Variants in ZDHHC21 observed in about 807,000 individuals in gnomAD.
ZDHHC21 encodes the protein palmitoyltransferase ZDHHC21.
ZDHHC21 carries 15 observed loss-of-function variants against 34.6 expected under a neutral mutation model. The observed-to-expected ratio is 0.43, with a 90% confidence interval of 0.29 to 0.67. The LOEUF (loss-of-function observed/expected upper bound fraction) is 0.67, where lower values mean the gene tolerates loss of function less well. Ranked by LOEUF, ZDHHC21 falls within the 30% of genes least tolerant of loss-of-function variation. The probability of loss-of-function intolerance (pLI) is 0.14; values close to 1 mark genes in which losing one functional copy is unlikely to be tolerated. For missense variants in ZDHHC21, 344 were observed against 327.7 expected, an observed-to-expected ratio of 1.05 and a Z score of -0.38; for synonymous variants, 142 against 101.8, an observed-to-expected ratio of 1.40 and a Z score of -2.38.
chr9:14,687,004 G>A (rs1322555459), intron 2 of ZDHHC21, among the ~76,000 whole-genome samples: 1 of 149,454 alleles, frequency 6.7e-6, no homozygotes, highest in African/African-American at 2.5e-5. Context: ...ATGTTAAAGA[G>A]CTGCTACCCC....
chr9:14,691,878 T>C (rs1272388076), intron 1 of ZDHHC21, among the ~76,000 whole-genome samples: 1 of 152,246 alleles, frequency 6.6e-6, no homozygotes, highest in African/African-American at 2.4e-5. Flanking sequence ...AAGGGTCTTA[T>C]TTAAAAACAT....
the ZDHHC21 span, among the ~76,000 whole-genome samples, chr9:14,592,957 T>C: frequency 6.6e-6 from 1 of 152,156 alleles, no homozygotes; most frequent in Admixed American, 6.5e-5. Context: ...AAGATAGTTT[T>C]AATTGAATAA....
chr9:14,647,010 T>G (rs1180804899), intron 7 of ZDHHC21, among the ~76,000 whole-genome samples: 1 of 152,094 alleles, frequency 6.6e-6, no homozygotes, highest in Admixed American at 6.6e-5. Flanking sequence ...GACAAAGAAC[T>G]GTCTCTTCCC....
chr9:14,636,085 T>C (rs1233496647), intron 8 of ZDHHC21, among the ~76,000 whole-genome samples: 1 of 152,186 alleles, frequency 6.6e-6, no homozygotes, highest in African/African-American at 2.4e-5. Context: ...TGTAAATGGA[T>C]TAAACTCTAC....
Position 14,611,801 on chromosome 9 carries a change from G to A in ZDHHC21, c.*7165C>T, listed in dbSNP as rs1421668359. 2.0e-5 allele frequency: 3 copies of A among 152,028 alleles called. No individual in the cohort carries two copies. The highest frequency in any genetic ancestry group is 4.8e-5 in the African/African-American group (2 of 41,416). 9.4% of individuals were successfully genotyped at this position (152,028 alleles called of 1,614,324 possible). ...CAAGAGCCTAGCTTTGTCCTCCCGTGTTAGACTCACAATTCACTTGTCGGA... is the reference window on the plus strand; with the variant it reads ...CAAGAGCCTAGCTTTGTCCTCCCGTATTAGACTCACAATTCACTTGTCGGA... On this transcript the variant is annotated 3_prime_UTR_variant, in exon 10 of 10. Coordinates refer to ENST00000380916, the MANE Select transcript of ZDHHC21 (RefSeq NM_178566.6).
intron 5 of ZDHHC21, among the ~76,000 whole-genome samples, chr9:14,663,508 T>TA (rs994994006): frequency 2.7e-5 from 4 of 149,486 alleles, no homozygotes; most frequent in African/African-American, 9.8e-5. Flanking sequence ...TTTTTTTTTT[T>TA]ACCAATATTG....
chr9:14,682,519 G>A (rs545564803), intron 2 of ZDHHC21, among the ~76,000 whole-genome samples: 2 of 152,264 alleles, frequency 1.3e-5, no homozygotes, highest in African/African-American at 2.4e-5. Flanking sequence ...ACCCAATACA[G>A]GAGCACCCAG....
At chr9:14,693,197 C>G in intron 1 of ZDHHC21, 32 bp downstream of exon 1, 1 of 339,030 alleles carries the variant, frequency 2.9e-6, no homozygotes, top group Non-Finnish European at 5.7e-6. Flanking sequence ...GGGGTGGGGG[C>G]GGCCGCTTCG....
chr9:14,683,384 C>A lies in ZDHHC21; in HGVS notation c.-175-3222G>T, dbSNP rs553962316. On this transcript the variant is annotated intron_variant, in intron 2 of 9. Transcript: ENST00000380916. Reference sequence around the variant, plus strand: ...AAAGAGGATATCACCACCAATCCCACAGAAATACAAACTACCATCAGAGAA... The same window carrying A: ...AAAGAGGATATCACCACCAATCCCAAAGAAATACAAACTACCATCAGAGAA... Among the ~76,000 whole-genome samples the A allele has an allele frequency of 7.2e-5, 11 of 152,250 alleles. No individual in the cohort carries two copies. In the East Asian group the frequency reaches 2.1e-3, roughly 29 times the overall value.
intron 8 of ZDHHC21, among the ~76,000 whole-genome samples, chr9:14,631,419 T>C (rs10810192): frequency 0.38 from 58,389 of 152,076 alleles, 11,592 homozygotes; most frequent in Non-Finnish European, 0.44. Flanking sequence ...GTGGCTTGTG[T>C]GATCTTCTAT....
chr9:14,593,936 C>G, the ZDHHC21 span: 1 of 152,424 alleles, frequency 6.6e-6, no homozygotes, highest in African/African-American at 2.4e-5. Context: ...AGGGGATGTA[C>G]CCTGTTCCTG....
In ZDHHC21 at chr9:14,658,399, T is replaced by G. The variant is rs147515539; in HGVS notation, c.504+350A>C. Among the ~76,000 whole-genome samples the G allele has an allele frequency of 1.2e-4, 18 of 149,118 alleles. No individual in the cohort carries two copies. In the East Asian group the frequency reaches 3.3e-3, roughly 27 times the overall value. ...TGTTTTGTTTCCAATCTTTTGTACT[T>G]AAAGGAACCACATGTTAATAATTGT... On this transcript the variant is annotated intron_variant, in intron 7 of 9. Transcript: ENST00000380916.
chr9:14,629,822 G>C (rs112586378), intron 8 of ZDHHC21, among the ~76,000 whole-genome samples: 2,655 of 152,144 alleles, frequency 0.017, 81 homozygotes, highest in African/African-American at 0.059. Flanking sequence ...GCCGAGGCAG[G>C]TGGATATTGA....
At chr9:14,670,757 T>G (rs1471828460) in intron 5 of ZDHHC21, among the ~76,000 whole-genome samples, 1 of 152,098 alleles carries the variant, frequency 6.6e-6, no homozygotes, top group Non-Finnish European at 1.5e-5. Context: ...CACATACATA[T>G]CTATATGTTT....
intron 7 of ZDHHC21, among the ~76,000 whole-genome samples, chr9:14,651,114 G>A (rs1462253814): frequency 6.6e-6 from 1 of 151,736 alleles, no homozygotes; most frequent in Non-Finnish European, 1.5e-5. Context: ...TAGAGAAATA[G>A]TAAACTTTGC....
At chr9:14,656,449 A>G (rs10756596) in intron 7 of ZDHHC21, among the ~76,000 whole-genome samples, 55,453 of 151,666 alleles carry the variant, frequency 0.37, 10,429 homozygotes, top group Middle Eastern at 0.4. Flanking sequence ...ATTCATTGAG[A>G]TAACATATAA....
Position 14,613,571 on chromosome 9 carries a change from C to T in ZDHHC21, c.*5395G>A, listed in dbSNP as rs1251353405. 2.6e-5 allele frequency: 4 copies of T among 151,700 alleles called. No homozygotes were observed. The highest frequency in any genetic ancestry group is 2.0e-4 in the Admixed American group (3 of 15,196). 9.4% of individuals were successfully genotyped at this position (151,700 alleles called of 1,614,324 possible). On this transcript the variant is annotated 3_prime_UTR_variant, in exon 10 of 10. Coordinates refer to ENST00000380916, the MANE Select transcript of ZDHHC21 (RefSeq NM_178566.6). ...ACAACTTCTGTTAAGCTATTTTGTC[C>T]GCATCTTTGTTTATATATAAAGCTA...
intron 1 of ZDHHC21, among the ~76,000 whole-genome samples, chr9:14,691,699 C>T (rs1839177806): frequency 6.6e-6 from 1 of 152,150 alleles, no homozygotes; most frequent in African/African-American, 2.4e-5. Context: ...AGTATGTTAA[C>T]AGAAATCTCA....
At chr9:14,689,922 G>T (rs1838925245) in intron 2 of ZDHHC21, among the ~76,000 whole-genome samples, 1 of 151,920 alleles carries the variant, frequency 6.6e-6, no homozygotes, top group Non-Finnish European at 1.5e-5. Flanking sequence ...GGAGGTGTGG[G>T]GTGATACGAA....
Sources: gnomAD v4.1 joint callset for allele counts (sites outside exome capture counted in the v4.1 genomes callset) on GRCh38, gnomAD v4.1.1 for gene constraint, MANE v1.5 for transcripts, NCBI Gene and HGNC (gene_info 2026-07-23, HGNC 2026-07-21) for gene names.